Variants in DST observed in about 807,000 individuals in gnomAD.
DST encodes the protein dystonin, also known as bullous pemphigoid antigen.
DST carries 253 observed loss-of-function variants against 875.2 expected under a neutral mutation model. That is an observed-to-expected ratio of 0.29 (90% CI 0.26 to 0.32). DST has a LOEUF of 0.32. Among genes scored for constraint, DST ranks in the 10% least tolerant of loss-of-function variants. The pLI, the probability that DST is intolerant of heterozygous loss-of-function variation, is 1.00. For missense variants in DST, 8,287 were observed against 9,111.6 expected (o/e 0.91, Z 3.68); for synonymous variants, 3,124 against 3,197.1 (o/e 0.98, Z 0.77).
chr6:56,639,435 A>G lies in DST; in HGVS notation c.2859+15T>C. ...AAATGCAACCCTAGTATGCAAGTAC[A>G]AAGGGTGTACTTACAGCATGATAAT... On this transcript the variant is annotated intron_variant, in intron 21 of 103. Coordinates refer to ENST00000680361, the MANE Select transcript of DST (RefSeq NM_001374736.1). 1 of 1,613,714 alleles carries G rather than the reference A, an allele frequency of 6.2e-7. No individual in the cohort carries two copies. The highest frequency in any genetic ancestry group is 8.5e-7 in the Non-Finnish European group (1 of 1,179,836).
chr6:56,856,477 C>T (rs1213562390), intron 3 of DST, among the ~76,000 whole-genome samples: 3 of 151,968 alleles, frequency 2.0e-5, no homozygotes, highest in Non-Finnish European at 4.4e-5. Flanking sequence ...TCAAAATATT[C>T]ACCAAAAAAA....
At chr6:56,566,231 G>A (rs1186556797) in intron 55 of DST, among the ~76,000 whole-genome samples, 1 of 152,048 alleles carries the variant, frequency 6.6e-6, no homozygotes, top group African/African-American at 2.4e-5. Flanking sequence ...TGTTCCAGGT[G>A]CCACTGCAGT....
rs997826033 is a variant in DST at position 56,698,253 on chromosome 6, C to A, written c.1047+1400G>T. On this transcript the variant is annotated intron_variant, in intron 9 of 103. Transcript: ENST00000680361. ...ATACCTGTCAAATCTATCCTGTTCCCAACAAGCCCCCCAGGTACATTATTC... is the reference window on the plus strand; with the variant it reads ...ATACCTGTCAAATCTATCCTGTTCCAAACAAGCCCCCCAGGTACATTATTC... 3.6e-4 allele frequency among the ~76,000 whole-genome samples: 55 copies of A among 152,148 alleles called. 1 individual carries two copies. Among genetic ancestry groups the A allele is most frequent in the Admixed American group, 3.6e-3 (55 of 15,274 alleles).
At chr6:56,577,895 C>T (rs1405152586) in intron 50 of DST, among the ~76,000 whole-genome samples, 1 of 152,080 alleles carries the variant, frequency 6.6e-6, no homozygotes, top group Non-Finnish European at 1.5e-5. Flanking sequence ...TACAATAGCT[C>T]TTTTCTCAAG....
At chr6:56,466,311 G>A (rs2094573329) in intron 98 of DST, 116 bp from the exon 99 acceptor site, 2 of 602,444 alleles carry the variant, frequency 3.3e-6, no homozygotes, top group Admixed American at 3.5e-5. Flanking sequence ...TTAGTTCATA[G>A]CGATTAGTAA....
chr6:56,636,642 G>A lies in DST; in HGVS notation c.2975C>T (p.Ala992Val), dbSNP rs1043850457. The change falls in exon 23 of 104, where the codon GCG becomes GTG. Residue 992 changes from alanine (A) to valine (V), a missense_variant. Around this residue, in one of 10 missense-constraint regions of DST, gnomAD observed 1,160 missense variants for 1,424.3 expected, o/e 0.81. Transcript: ENST00000680361. ...CCAGCTCCACTGCGTCTGCATTGCC[G>A]CTCTGTAGGCCTTAAAGATAAAACA... Reference protein sequence around the residue: ...PARLTIEAYRAAMQTQWSWIL... With the variant: ...PARLTIEAYRVAMQTQWSWIL... The A allele has an allele frequency of 6.2e-6, 10 of 1,612,964 alleles. No homozygotes were observed. The highest frequency in any genetic ancestry group is 2.2e-5 in the South Asian group (2 of 91,080).
intron 10 of DST, among the ~76,000 whole-genome samples, chr6:56,662,376 C>T (rs1246322563): frequency 2.0e-5 from 3 of 152,276 alleles, no homozygotes; most frequent in African/African-American, 4.8e-5. Context: ...CAAAAAACAA[C>T]ATAATATCCA....
Position 56,601,542 on chromosome 6 carries a change from T to G in DST, c.11442A>C (p.Thr3814=). Residue 3814 remains threonine (T), a synonymous_variant, in exon 44 of 104, where the codon ACA becomes ACC. Coordinates refer to ENST00000680361, the MANE Select transcript of DST (RefSeq NM_001374736.1). ...QSKQLLRLLN[T]TQKCFLDVQE... is the part of the protein sequence containing the mutation. ...GTACATCAAGAAAACACTTCTGAGT[T>G]GTATTTAAGAGCCTCAGCAGTTGTT... The G allele has an allele frequency of 6.2e-7, 1 of 1,605,704 alleles. No homozygotes were observed.
At chr6:56,693,784 C>T (rs1389233498) in intron 9 of DST, among the ~76,000 whole-genome samples, 1 of 151,498 alleles carries the variant, frequency 6.6e-6, no homozygotes. Context: ...GACTCTTATT[C>T]AAAACAAGTC....
intron 85 of DST, 42 bp downstream of exon 85, chr6:56,492,185 G>A (rs1718397234): frequency 6.5e-7 from 1 of 1,530,468 alleles, no homozygotes; most frequent in Non-Finnish European, 9.0e-7. Context: ...GCAAGAAGTG[G>A]TTTATTGACA....
chr6:56,501,452 A>G, intron 79 of DST, 68 bp downstream of exon 79: 1 of 1,269,822 alleles, frequency 7.9e-7, no homozygotes, highest in Middle Eastern at 2.2e-4. Context: ...TTTATCTTTA[A>G]TAATTATTTT....
chr6:56,789,562 A>G (rs1485154376), intron 4 of DST, among the ~76,000 whole-genome samples: 2 of 152,176 alleles, frequency 1.3e-5, no homozygotes, highest in Admixed American at 6.5e-5. Context: ...GAAGTTTTAC[A>G]TCTTGTAAAA....
At position 56,606,895 on chromosome 6, in the gene DST, G is replaced by A; in HGVS notation, c.7733C>T (p.Thr2578Ile). ...ACTGATGGTTTCATCAAGCAATGGT[G>A]TAGCACAAGTAAGAGACACAATGGC... Reference protein sequence around the residue: ...DNAIVSLTCATPLLDETISAS... With the variant: ...DNAIVSLTCAIPLLDETISAS... The change falls in exon 40 of 104, where the codon ACA becomes ATA. Residue 2578 changes from threonine (T) to isoleucine (I), a missense_variant. By Grantham distance (89) the Thr-to-Ile change is moderately conservative. This residue lies in a region of DST where 3,138 missense variants were observed against 3,116.6 expected (regional missense o/e 1.01). Coordinates refer to ENST00000680361, the MANE Select transcript of DST (RefSeq NM_001374736.1). 1 of 1,613,408 alleles carries A rather than the reference G, an allele frequency of 6.2e-7. No homozygotes were observed. The highest frequency in any genetic ancestry group is 8.5e-7 in the Non-Finnish European group (1 of 1,179,582).
At chr6:56,506,579 T>A in intron 76 of DST, 35 bp from the exon 77 acceptor site, 1 of 1,607,958 alleles carries the variant, frequency 6.2e-7, no homozygotes, top group Non-Finnish European at 8.5e-7. Flanking sequence ...TTTAGTGCCA[T>A]ATTTTAAACT....
chr6:56,489,796 A>G (rs924734928), intron 85 of DST, among the ~76,000 whole-genome samples, 187 bp from the exon 86 acceptor site: 3 of 152,202 alleles, frequency 2.0e-5, no homozygotes, highest in African/African-American at 7.2e-5. Context: ...GATAATGCTT[A>G]GCATTTGTGG....
In DST at chr6:56,648,698, A is replaced by G; in HGVS notation, c.1435-9T>C. The G allele has an allele frequency of 6.4e-7, 1 of 1,551,718 alleles. No individual in the cohort carries two copies. The highest frequency in any genetic ancestry group is 8.7e-7 in the Non-Finnish European group (1 of 1,146,824). ...CATTTGACTTCAACATCCTAGAACA[A>G]TCAAATGATAGAAAAGGTTCACATC... On this transcript the variant is annotated splice_polypyrimidine_tract_variant and intron_variant, in intron 12 of 103. Coordinates refer to ENST00000680361, the MANE Select transcript of DST (RefSeq NM_001374736.1).
chr6:56,728,326 T>A (rs908633134), intron 5 of DST, among the ~76,000 whole-genome samples: 43 of 152,352 alleles, frequency 2.8e-4, no homozygotes, highest in African/African-American at 1.0e-3. Flanking sequence ...TTTTCCATTC[T>A]ATATAAATAA....
intron 3 of DST, chr6:56,871,178 G>A: frequency 1.4e-6 from 1 of 733,536 alleles, no homozygotes; most frequent in Non-Finnish European, 2.5e-6. Context: ...GTGGCCTGAG[G>A]TAGTCTGTGA....
At chr6:56,821,761 TA>T (rs2099773290) in intron 4 of DST, among the ~76,000 whole-genome samples, 1 of 152,216 alleles carries the variant, frequency 6.6e-6, no homozygotes, top group African/African-American at 2.4e-5. Flanking sequence ...ACATTCACAT[TA>T]GTAGGAAAAT....
Sources: gnomAD v4.1 joint callset for allele counts (sites outside exome capture counted in the v4.1 genomes callset) on GRCh38, gnomAD v4.1.1 for gene constraint, gnomAD v4.1.1 regional missense constraint, MANE v1.5 for transcripts, NCBI Gene and HGNC (gene_info 2026-07-23, HGNC 2026-07-21) for gene names.